HS3ST5: variants seen among roughly 807,000 people sequenced by gnomAD.
The protein encoded by HS3ST5 is heparan sulfate glucosamine 3-O-sulfotransferase 5.
In HS3ST5, 10 loss-of-function variants were observed where a neutral mutation model predicts 25.4. That is an observed-to-expected ratio of 0.39 (90% confidence interval 0.24 to 0.67). The LOEUF is 0.67. HS3ST5 is among the 30% of genes least tolerant of loss of function. HS3ST5 has a pLI of 0.44. For missense variants in HS3ST5, 324 were observed against 420.7 expected (o/e 0.77, Z 2.01); for synonymous variants, 170 against 162.4 (o/e 1.05, Z -0.36).
intron 3 of HS3ST5, among the ~76,000 whole-genome samples, chr6:114,138,204 C>T (rs1316469376): frequency 6.6e-6 from 1 of 152,088 alleles, no homozygotes; most frequent in Admixed American, 6.6e-5. Context: ...CATCTATATG[C>T]CATGATAGTT....
At chr6:114,272,417 C>A (rs2114705228) in intron 1 of HS3ST5, among the ~76,000 whole-genome samples, 1 of 152,232 alleles carries the variant, frequency 6.6e-6, no homozygotes, top group East Asian at 1.9e-4. Context: ...ATCTCCCCTT[C>A]TAAGGAATCT....
chr6:114,084,457 T>A lies in HS3ST5; in HGVS notation c.-32-21580A>T, dbSNP rs1774658073. 4.0e-6 allele frequency: 3 copies of A among 756,984 alleles called. No individual in the cohort carries two copies. The Admixed American group carries it at 5.1e-5, about 13-fold the overall frequency. The allele number at this position is 756,984 out of a possible 1,614,324, so 46.9% of individuals were successfully genotyped here. ...TTCAGGATCTCTGTAGAAGTAGAGA[T>A]CAGGCATGACCTCCCGCGGGTATTC... On this transcript the variant is annotated intron_variant, in intron 3 of 4. Transcript: ENST00000312719.
At chr6:114,235,592 A>T (rs2114558525) in intron 1 of HS3ST5, 1 of 152,318 alleles carries the variant, frequency 6.6e-6, no homozygotes, top group African/African-American at 2.4e-5. Flanking sequence ...GCTAGATGAG[A>T]GTAGCACTTA....
chr6:114,153,334 T>A (rs1198544154), intron 3 of HS3ST5, among the ~76,000 whole-genome samples: 1 of 152,194 alleles, frequency 6.6e-6, no homozygotes, highest in Non-Finnish European at 1.5e-5. Flanking sequence ...CCCCATTAAA[T>A]AACAATAGGT....
chr6:114,311,818 C>G (rs1447472527), intron 1 of HS3ST5, among the ~76,000 whole-genome samples: 3 of 152,124 alleles, frequency 2.0e-5, no homozygotes, highest in African/African-American at 7.2e-5. Flanking sequence ...AATGAGATTA[C>G]AGGCGTGAGC....
intron 3 of HS3ST5, among the ~76,000 whole-genome samples, chr6:114,088,554 G>A (rs894166122): frequency 6.6e-5 from 10 of 151,900 alleles, no homozygotes; most frequent in African/African-American, 2.4e-4. Context: ...TATTTATCTT[G>A]TCTCATCTAT....
At chr6:114,297,447 A>T (rs552783728) in intron 1 of HS3ST5, among the ~76,000 whole-genome samples, 1 of 152,326 alleles carries the variant, frequency 6.6e-6, no homozygotes, top group South Asian at 2.1e-4. Context: ...AAGAGGAACA[A>T]GATTGGGAAA....
chr6:114,315,259 TG>T (rs2114858920), intron 1 of HS3ST5, among the ~76,000 whole-genome samples: 1 of 152,308 alleles, frequency 6.6e-6, no homozygotes, highest in East Asian at 1.9e-4. Context: ...TTAACAGAAC[TG>T]CTGCACATAT....
At chr6:114,297,679 A>G (rs576335066) in intron 1 of HS3ST5, among the ~76,000 whole-genome samples, 2 of 152,322 alleles carry the variant, frequency 1.3e-5, no homozygotes, top group East Asian at 3.9e-4. Context: ...GGATATGGGG[A>G]ATACAGAACA....
intron 3 of HS3ST5, among the ~76,000 whole-genome samples, chr6:114,113,027 A>C (rs1172739441): frequency 6.6e-6 from 1 of 152,178 alleles, no homozygotes; most frequent in Non-Finnish European, 1.5e-5. Flanking sequence ...TTAGTAGCTC[A>C]GGCAAAATAT....
chr6:114,244,238 C>A (rs1012604041), intron 1 of HS3ST5, among the ~76,000 whole-genome samples: 4 of 152,206 alleles, frequency 2.6e-5, no homozygotes, highest in African/African-American at 9.7e-5. Context: ...GCAATACCAT[C>A]TCTCTTAGAT....
chr6:114,192,039 T>C (rs1780530168), intron 2 of HS3ST5, among the ~76,000 whole-genome samples: 1 of 152,190 alleles, frequency 6.6e-6, no homozygotes, highest in African/African-American at 2.4e-5. Context: ...AAAATATTTT[T>C]CTGTTACTAA....
chr6:114,223,896 T>TA (rs1582733464), intron 2 of HS3ST5, among the ~76,000 whole-genome samples: 1 of 151,678 alleles, frequency 6.6e-6, no homozygotes, highest in South Asian at 2.1e-4. Context: ...GTCTACCACC[T>TA]AAAAAATGGG....
At chr6:114,170,745 A>C (rs1406424746) in intron 2 of HS3ST5, among the ~76,000 whole-genome samples, 1 of 152,198 alleles carries the variant, frequency 6.6e-6, no homozygotes. Flanking sequence ...AAGTGGTTTC[A>C]GGATGATAAA....
chr6:114,227,431 C>T (rs927086439), intron 2 of HS3ST5, among the ~76,000 whole-genome samples: 6 of 151,724 alleles, frequency 4.0e-5, no homozygotes, highest in African/African-American at 1.4e-4. Context: ...GAACCTTTAA[C>T]ATCACAATTT....
chr6:114,103,857 A>ATTTTTTTTTTTTTTTT (rs71553394), intron 3 of HS3ST5, among the ~76,000 whole-genome samples: 163 of 107,066 alleles, frequency 1.5e-3, no homozygotes, highest in African/African-American at 3.6e-3. Flanking sequence ...CACCTGGCTA[A>ATTTTTTTTTTTTTTTT]TTTTTTTTTT....
chr6:114,300,014 A>T (rs1775004450), intron 1 of HS3ST5, among the ~76,000 whole-genome samples: 1 of 152,214 alleles, frequency 6.6e-6, no homozygotes, highest in Admixed American at 6.5e-5. Context: ...AGACAGCCTG[A>T]TAATACAGCA....
intron 3 of HS3ST5, among the ~76,000 whole-genome samples, chr6:114,078,493 G>A (rs530417716): frequency 1.1e-3 from 166 of 152,196 alleles, no homozygotes; most frequent in African/African-American, 3.3e-3. Flanking sequence ...CACCATGCCC[G>A]GCAAACACAC....
chr6:114,300,938 T>G (rs948496463), intron 1 of HS3ST5, among the ~76,000 whole-genome samples: 1 of 152,148 alleles, frequency 6.6e-6, no homozygotes, highest in Non-Finnish European at 1.5e-5. Context: ...TATAAAATGC[T>G]CAGAATAGGA....
Sources: allele counts gnomAD v4.1 joint callset (sites outside exome capture counted in the v4.1 genomes callset), GRCh38; gene constraint gnomAD v4.1.1; transcripts MANE v1.5; gene names NCBI Gene and HGNC (gene_info 2026-07-23, HGNC 2026-07-21).